Variants in HOOK2 observed in about 807,000 individuals in gnomAD.
The protein encoded by HOOK2 is protein Hook homolog 2.
Under a neutral mutation model 111.9 loss-of-function variants are expected in HOOK2, and 108 were observed. The observed-to-expected ratio is 0.96, with a 90% CI of 0.83 to 1.13. The LOEUF (loss-of-function observed/expected upper bound fraction) is 1.13, where lower values mean the gene tolerates loss of function less well. Ranked by LOEUF, HOOK2 falls within the 50% of genes most tolerant of loss-of-function variation. The pLI is 0.00. For missense variants in HOOK2, 978 were observed against 951.3 expected (o/e 1.03, Z -0.37); for synonymous variants, 405 against 394.3 (o/e 1.03, Z -0.32).
At chr19:12,781,034 G>A (rs1968596670), upstream of HOOK2, among the ~76,000 whole-genome samples, 1 of 143,784 alleles carries the variant, frequency 7.0e-6, no homozygotes, top group African/African-American at 2.6e-5. Context: ...TGGGCGCGGT[G>A]GCTCACGCAG....
At chr19:12,764,362 C>T (rs1258655691) in intron 20 of HOOK2, 4 of 136,908 alleles carry the variant, frequency 2.9e-5, no homozygotes, top group African/African-American at 1.1e-4. Context: ...TGGACTCTTG[C>T]CCTGTCGCCT....
At position 12,765,707 on chromosome 19, in the gene HOOK2, C is replaced by T. The variant is rs775717220; in HGVS notation, c.1623G>A (p.Arg541=). 1.2e-6 allele frequency: 2 copies of T among 1,614,222 alleles called. No homozygotes were observed. The highest frequency in any genetic ancestry group is 2.2e-5 in the East Asian group (1 of 44,866). Residue 541 remains arginine, a synonymous_variant, in exon 18 of 23, where the codon AGG becomes AGA. Transcript: ENST00000397668. ...CGACTTACAAATGTTCCTCCAGCTT[C>T]CTTTTCAGCAAAATGGACTGGGAGA... ...TEDAISILLK[R]KLEEHLQKLH...
chr19:12,770,047 G>C lies in HOOK2; in HGVS notation c.938C>G (p.Thr313Arg), dbSNP rs1233125386. 3.9e-6 allele frequency: 6 copies of C among 1,537,592 alleles called. No homozygotes were observed. Among genetic ancestry groups the C allele is most frequent in the Non-Finnish European group, 4.4e-6 (5 of 1,145,304 alleles). ...CAAGCGGCGCCGGCAACTGGTCAGC[G>C]TGGCCTCCAGCTGCCCAGCACGCTC... ...SSERAGQLEATLTSCRRRLGE... is the reference protein window; with the variant it reads ...SSERAGQLEARLTSCRRRLGE... The change falls in exon 11 of 23, where the codon ACG becomes AGG. Residue 313 changes from threonine to arginine, a missense_variant. By Grantham distance (71) the Thr-to-Arg change is moderately conservative. Around this residue, in one of 5 missense-constraint regions of HOOK2, gnomAD observed 388 missense variants for 358.3 expected, o/e 1.08. Transcript: ENST00000397668.
chr19:12,783,605 G>C (rs1968628490), intron 3 of HOOK2, among the ~76,000 whole-genome samples: 1 of 151,986 alleles, frequency 6.6e-6, no homozygotes, highest in Non-Finnish European at 1.5e-5. Context: ...TGGGGGTCTT[G>C]GGTAGCATAT....
At chr19:12,780,152 AAAC>A (rs540322242), upstream of HOOK2, among the ~76,000 whole-genome samples, 712 of 152,206 alleles carry the variant, frequency 4.7e-3, 7 homozygotes, top group Non-Finnish European at 4.1e-3. Flanking sequence ...TCCATCTCAA[AAAC>A]AACAACAACC....
In HOOK2 at chr19:12,775,470, C is replaced by G; in HGVS notation, c.-21G>C. On this transcript the variant is annotated 5_prime_UTR_variant, in exon 1 of 23. Transcript: ENST00000397668. The stretch of plus-strand genomic sequence containing the variant: ...CTCATGGCTCCCGATCGGATTCAAT[C>G]CAGGCCACGGAGCCCCGGCGCCGCA... 1 of 1,606,236 alleles carries G rather than the reference C, an allele frequency of 6.2e-7. No individual in the cohort carries two copies. Among genetic ancestry groups the G allele is most frequent in the Non-Finnish European group, 8.5e-7 (1 of 1,177,274 alleles).
rs893056090 is a variant in HOOK2, at chr19:12,790,165, T to C, written n.42-15940A>G. Among the ~76,000 whole-genome samples, 4 of 152,126 alleles carry C rather than the reference T, an allele frequency of 2.6e-5. No individual in the cohort carries two copies. Among genetic ancestry groups the C allele is most frequent in the Non-Finnish European group, 4.4e-5 (3 of 68,006 alleles). On this transcript the variant is annotated intron_variant and non_coding_transcript_variant, in intron 3 of 3. Transcript: ENST00000589765. The surrounding 1 kb of genome is among the most constrained non-coding windows in gnomAD (Gnocchi z 7.2). Reference sequence around the variant, plus strand: ...AGGGGAGAGGATGGTGGCTGGAGGCTGCCGCGGCTGGGCGGGCTCCAAGCA... The same window carrying C: ...AGGGGAGAGGATGGTGGCTGGAGGCCGCCGCGGCTGGGCGGGCTCCAAGCA...
chr19:12,791,633 G>A lies in HOOK2; in HGVS notation n.42-17408C>T. ...TTTTGCGCACAGCTGCCGGCTGGCT[G>A]CTACCCGCCCGCGCCAGCCCCCGAG... On this transcript the variant is annotated intron_variant and non_coding_transcript_variant, in intron 3 of 3. Coordinates refer to the HOOK2 transcript ENST00000589765. The surrounding 1 kb of genome is among the most constrained non-coding windows in gnomAD (Gnocchi z 7.0). 1 of 592,974 alleles carries A rather than the reference G, an allele frequency of 1.7e-6. No individual in the cohort carries two copies. The highest frequency in any genetic ancestry group is 2.8e-6 in the Non-Finnish European group (1 of 359,100). The allele number at this position is 592,974 out of a possible 1,614,324, so 36.7% of individuals were successfully genotyped here. A position where few individuals can be genotyped will look rare whatever the true frequency, so the allele number is the denominator to read the frequency against.
Position 12,770,920 on chromosome 19 carries a change from C to T in HOOK2, c.902+12G>A, listed in dbSNP as rs764478830. On this transcript the variant is annotated intron_variant, in intron 10 of 22. Transcript: ENST00000397668. ...GCCCCCCGTGATGGGGACCCAGGAA[C>T]CCACCACTCACCGTAGTTCATCCAT... The T allele has an allele frequency of 1.3e-6, 2 of 1,588,820 alleles. No individual in the cohort carries two copies. The highest frequency in any genetic ancestry group is 1.7e-6 in the Non-Finnish European group (2 of 1,161,590).
chr19:12,772,755 TG>T (rs753521661), intron 5 of HOOK2, 24 bp downstream of exon 5: 2 of 1,613,436 alleles, frequency 1.2e-6, no homozygotes, highest in Non-Finnish European at 1.7e-6. Context: ...AGGCCAGCCC[TG>T]GGGACCCCCT....
chr19:12,772,703 C>T, intron 5 of HOOK2, 23 bp from the exon 6 acceptor site: 1 of 1,614,036 alleles, frequency 6.2e-7, no homozygotes, highest in East Asian at 2.2e-5. Context: ...GTGGGGGAGG[C>T]TGAGACCCAG....
chr19:12,782,802 T>A (rs1968618694), upstream of HOOK2, among the ~76,000 whole-genome samples: 1 of 151,956 alleles, frequency 6.6e-6, no homozygotes, highest in Non-Finnish European at 1.5e-5. Context: ...TTGTGGCCCC[T>A]CGACCGAGCG....
In HOOK2 at chr19:12,790,795, C is replaced by T. The variant is rs1968704825; in HGVS notation, n.42-16570G>A. ...AGCTTTCTGCATATCTAGACTTCCC[C>T]TAATGCCTCCTTCCCGCTTACGGGA... is the stretch of plus-strand genomic sequence containing the variant. On this transcript the variant is annotated intron_variant and non_coding_transcript_variant, in intron 3 of 3. Coordinates refer to the HOOK2 transcript ENST00000589765. The surrounding 1 kb of genome is among the most constrained non-coding windows in gnomAD (Gnocchi z 7.2). Among the ~76,000 whole-genome samples, 1 of 152,196 alleles carries T rather than the reference C, an allele frequency of 6.6e-6. No individual in the cohort carries two copies. The highest frequency in any genetic ancestry group is 6.5e-5 in the Admixed American group (1 of 15,278).
chr19:12,775,838 G>T (rs532681230), upstream of HOOK2, among the ~76,000 whole-genome samples: 1 of 150,436 alleles, frequency 6.6e-6, no homozygotes, highest in Non-Finnish European at 1.5e-5. Flanking sequence ...TTACACAAGC[G>T]CATTCACGTC....
upstream of HOOK2, among the ~76,000 whole-genome samples, chr19:12,779,224 C>G (rs2145791266): frequency 6.6e-6 from 1 of 152,288 alleles, no homozygotes; most frequent in Non-Finnish European, 1.5e-5. Context: ...GCGGCTGACT[C>G]AACCCCTCCC....
Position 12,763,322 on chromosome 19 carries a change from C to A in HOOK2, c.2120G>T (p.Arg707Leu). ...ATNSRRGPLG[R>L]LASLNLRPTD... ...GGGGCGAAGGTTCAGAGATGCCAGG[C>A]GTCCCAAGGGTCCACGGCGAGAATT... Residue 707 changes from arginine to leucine, a missense_variant, in exon 23 of 23, where the codon CGC (arginine) becomes CTC (leucine). Arg to Leu is a moderately radical substitution (Grantham distance 102, BLOSUM62 -2). This residue lies in a region of HOOK2 where 277 missense variants were observed against 265.8 expected (regional missense o/e 1.04). Coordinates refer to ENST00000397668, the MANE Select transcript of HOOK2 (RefSeq NM_013312.3). The A allele has an allele frequency of 1.2e-6, 2 of 1,614,024 alleles. No individual in the cohort carries two copies. Among genetic ancestry groups the A allele is most frequent in the Middle Eastern group, 3.4e-4 (2 of 5,940 alleles).
chr19:12,779,030 AC>A (rs1290983754), upstream of HOOK2, among the ~76,000 whole-genome samples: 1 of 151,638 alleles, frequency 6.6e-6, no homozygotes, highest in African/African-American at 2.4e-5. Flanking sequence ...AAGGATCCAA[AC>A]CCCTGTTTTA....
At chr19:12,773,171 T>C (rs1474991218) in intron 3 of HOOK2, 127 bp from the exon 4 acceptor site, 2 of 867,842 alleles carry the variant, frequency 2.3e-6, no homozygotes, top group Non-Finnish European at 3.8e-6. Flanking sequence ...GCGTGCGCCT[T>C]CCTCTAGGGG....
rs772703463 is a variant in HOOK2 at position 12,790,472 on chromosome 19, G to T, written n.42-16247C>A. On this transcript the variant is annotated intron_variant and non_coding_transcript_variant, in intron 3 of 3. Coordinates refer to the HOOK2 transcript ENST00000589765. This position sits in a 1 kb window ranked among gnomAD's most constrained non-coding sequence, Gnocchi z 7.2. ...GGCAAAGCCCAGGGTCAATAGGGGA[G>T]GGTTTTAGGATGGGGGACAGAGAAT... Among the ~76,000 whole-genome samples the T allele has an allele frequency of 6.6e-6, 1 of 152,228 alleles. No individual in the cohort carries two copies. The highest frequency in any genetic ancestry group is 1.5e-5 in the Non-Finnish European group (1 of 68,028).
Sources: allele counts gnomAD v4.1 joint callset (sites outside exome capture counted in the v4.1 genomes callset), GRCh38; gene constraint gnomAD v4.1.1; regional missense constraint gnomAD v4.1.1; non-coding constraint Gnocchi (gnomAD v3.1); transcripts MANE v1.5; gene names NCBI Gene and HGNC (gene_info 2026-07-23, HGNC 2026-07-21).